PHF21A: variants seen among roughly 807,000 people sequenced by gnomAD.
PHF21A encodes the protein PHD finger protein 21A.
PHF21A carries 11 observed loss-of-function variants against 82.5 expected under a neutral mutation model. The observed-to-expected ratio is 0.13, with a 90% CI of 0.08 to 0.22. The LOEUF (loss-of-function observed/expected upper bound fraction) is 0.22. Among genes scored for constraint, PHF21A ranks in the 10% least tolerant of loss-of-function variants. The pLI is 1.00. For missense variants in PHF21A, 579 were observed against 837.8 expected (o/e 0.69, Z 3.81); for synonymous variants, 297 against 302.8 (o/e 0.98, Z 0.20).
chr11:46,042,426 G>A (rs913829379), intron 6 of PHF21A, among the ~76,000 whole-genome samples: 19 of 152,122 alleles, frequency 1.2e-4, no homozygotes, highest in Non-Finnish European at 2.9e-5. Flanking sequence ...GCTGGTCTAC[G>A]CTGAGGTACA....
chr11:45,992,874 A>G (rs1027640473), intron 6 of PHF21A, among the ~76,000 whole-genome samples: 4 of 152,240 alleles, frequency 2.6e-5, no homozygotes, highest in Admixed American at 6.5e-5. Flanking sequence ...CCCCTGTCAC[A>G]TAAGACTGAC....
chr11:46,108,584 T>C (rs1026537777), intron 1 of PHF21A, among the ~76,000 whole-genome samples: 2 of 148,212 alleles, frequency 1.3e-5, no homozygotes, highest in Admixed American at 6.8e-5. Flanking sequence ...TATATATATA[T>C]ATAAAATACA....
chr11:46,076,942 T>C, intron 5 of PHF21A, 123 bp from the exon 6 acceptor site: 1 of 726,784 alleles, frequency 1.4e-6, no homozygotes. Flanking sequence ...GCCAATCAAA[T>C]CTGTCATGCA....
intron 18 of PHF21A, chr11:45,934,618 T>C: frequency 4.4e-6 from 1 of 228,476 alleles, no homozygotes; most frequent in Non-Finnish European, 8.7e-6. Context: ...GCTTCTGTCA[T>C]GCTAACTGGG....
chr11:46,042,481 A>G (rs184502334), intron 6 of PHF21A, among the ~76,000 whole-genome samples: 150 of 152,264 alleles, frequency 9.9e-4, no homozygotes, highest in African/African-American at 3.3e-3. Flanking sequence ...AAATCACTGA[A>G]TGGTTTTTAT....
chr11:46,086,932 T>C (rs1016822246), intron 3 of PHF21A, among the ~76,000 whole-genome samples: 1 of 151,992 alleles, frequency 6.6e-6, no homozygotes, highest in Non-Finnish European at 1.5e-5. Flanking sequence ...ACAGAAGAAA[T>C]AAGAATGACC....
At chr11:46,062,893 A>T (rs2096552843) in intron 6 of PHF21A, among the ~76,000 whole-genome samples, 1 of 152,220 alleles carries the variant, frequency 6.6e-6, no homozygotes, top group South Asian at 2.1e-4. Context: ...TATTTGTAAC[A>T]GCTAAAAACT....
intron 6 of PHF21A, among the ~76,000 whole-genome samples, chr11:46,016,310 A>G (rs7948502): frequency 0.33 from 50,588 of 152,084 alleles, 9,535 homozygotes; most frequent in East Asian, 0.8. Context: ...AATTTCCCAG[A>G]GTCTTCTCCC....
intron 6 of PHF21A, among the ~76,000 whole-genome samples, chr11:46,030,812 T>C (rs1286789205): frequency 2.0e-5 from 2 of 100,922 alleles, no homozygotes; most frequent in Non-Finnish European, 3.9e-5. Flanking sequence ...ACATAGTGTG[T>C]GTGTGTGCGT....
At chr11:46,017,598 C>T (rs2095542260) in intron 6 of PHF21A, among the ~76,000 whole-genome samples, 1 of 151,386 alleles carries the variant, frequency 6.6e-6, no homozygotes, top group African/African-American at 2.4e-5. Flanking sequence ...AAAAAAACAC[C>T]TCCCTCATCT....
At chr11:46,089,853 G>A (rs187991639) in intron 3 of PHF21A, among the ~76,000 whole-genome samples, 2 of 151,520 alleles carry the variant, frequency 1.3e-5, no homozygotes, top group Non-Finnish European at 2.9e-5. Flanking sequence ...CTCTACACAG[G>A]TCATACCTCC....
intron 1 of PHF21A, among the ~76,000 whole-genome samples, chr11:46,120,184 C>T (rs1852725885): frequency 6.7e-6 from 1 of 149,868 alleles, no homozygotes; most frequent in African/African-American, 2.4e-5. Context: ...TCAGCAGCCG[C>T]AGCTTTTTTT....
At chr11:46,086,418 C>T (rs2096858587) in intron 3 of PHF21A, among the ~76,000 whole-genome samples, 2 of 152,140 alleles carry the variant, frequency 1.3e-5, no homozygotes, top group South Asian at 4.1e-4. Flanking sequence ...CGCACCCAGC[C>T]AGCTATTATC....
intron 9 of PHF21A, 80 bp downstream of exon 9, chr11:45,969,735 A>G: frequency 1.1e-6 from 1 of 937,000 alleles, no homozygotes; most frequent in Non-Finnish European, 1.7e-6. Context: ...GACAAGCCCC[A>G]TTACAGGCTA....
intron 2 of PHF21A, 126 bp from the exon 3 acceptor site, chr11:46,090,692 C>T (rs1178812179): frequency 6.8e-6 from 1 of 146,956 alleles, no homozygotes; most frequent in Non-Finnish European, 1.5e-5. Context: ...TAGAATTCCT[C>T]AGAATACATT....
chr11:46,079,555 T>C (rs776648497), intron 4 of PHF21A, among the ~76,000 whole-genome samples: 2 of 152,228 alleles, frequency 1.3e-5, no homozygotes, highest in African/African-American at 2.4e-5. Context: ...GGCCTGTTCA[T>C]ACACAGAGCA....
chr11:46,002,382 T>C (rs944144381), intron 6 of PHF21A, among the ~76,000 whole-genome samples: 1 of 152,204 alleles, frequency 6.6e-6, no homozygotes, highest in Non-Finnish European at 1.5e-5. Flanking sequence ...AGAAATAAAC[T>C]AATTTGTAAC....
At position 45,938,140 on chromosome 11, in the gene PHF21A, G is replaced by A. The variant is rs1331549768; in HGVS notation, c.1608+17C>T. ...TGTCCTCCTCGGCCCCTCCCCTGTT[G>A]GACCCACCCACAGTACCTGGTCCTG... On this transcript the variant is annotated intron_variant, in intron 16 of 18. Transcript: ENST00000676320. 7.1e-6 allele frequency: 11 copies of A among 1,559,630 alleles called. No homozygotes were observed. The highest frequency in any genetic ancestry group is 9.6e-6 in the Non-Finnish European group (11 of 1,149,128).
intron 16 of PHF21A, chr11:45,936,886 C>A: frequency 4.1e-6 from 1 of 243,184 alleles, no homozygotes; most frequent in South Asian, 8.8e-5. Context: ...GAACCACCAA[C>A]ACAAAAGCTG....
Sources: gnomAD v4.1 joint callset for allele counts (sites outside exome capture counted in the v4.1 genomes callset) on GRCh38, gnomAD v4.1.1 for gene constraint, MANE v1.5 for transcripts, NCBI Gene and HGNC (gene_info 2026-07-23, HGNC 2026-07-21) for gene names.